Variants in GRIK5 observed in about 807,000 individuals in gnomAD.
GRIK5 encodes the protein glutamate receptor ionotropic, kainate 5.
Under a neutral mutation model 97.4 loss-of-function variants are expected in GRIK5, and 43 were observed. That is an observed-to-expected ratio of 0.44 (90% CI 0.35 to 0.57). GRIK5 has a LOEUF of 0.57. Among genes scored for constraint, GRIK5 ranks in the 20% least tolerant of loss-of-function variants. The probability of loss-of-function intolerance (pLI) is 0.01; values close to 1 mark genes in which losing one functional copy is unlikely to be tolerated. For missense variants in GRIK5, 1,015 were observed against 1,382.0 expected (o/e 0.73, Z 4.21); for synonymous variants, 580 against 583.5 (o/e 0.99, Z 0.09).
In GRIK5 at chr19:42,002,063, T is replaced by C; in HGVS notation, c.2514+1269A>G. The C allele has an allele frequency of 1.5e-6, 1 of 678,620 alleles. No homozygotes were observed. 42.0% of individuals were successfully genotyped at this position (678,620 alleles called of 1,614,324 possible). On this transcript the variant is annotated intron_variant, in intron 19 of 19. Transcript: ENST00000593562. This position sits in a 1 kb window ranked among gnomAD's most constrained non-coding sequence, Gnocchi z 5.2. ...GCTTTGAGGATTGAGAGTGACTGGCTGTGCCGAAGCCCACTGCTACCTCAT... is the reference window on the plus strand; with the variant it reads ...GCTTTGAGGATTGAGAGTGACTGGCCGTGCCGAAGCCCACTGCTACCTCAT...
intron 11 of GRIK5, among the ~76,000 whole-genome samples, chr19:42,044,039 A>AG (rs2076012942): frequency 6.6e-6 from 1 of 152,050 alleles, no homozygotes; most frequent in South Asian, 2.1e-4. Flanking sequence ...TAACTGAATC[A>AG]GGGGGGCGGT....
At position 41,999,242 on chromosome 19, in the gene GRIK5, T is replaced by C; in HGVS notation, c.2572A>G (p.Thr858Ala). Reference sequence around the variant, plus strand: ...CGTCGGCGCCGGCGGGAACGCGACGTCTTGCGGCAAGAAACGGCGTGGCGC... The same window carrying C: ...CGTCGGCGCCGGCGGGAACGCGACGCCTTGCGGCAAGAAACGGCGTGGCGC... ...ELRHAVSCRK[T>A]SRSRRRRRPG... Residue 858 changes from threonine (T) to alanine (A), a missense_variant, in exon 20 of 20, where the codon ACG becomes GCG. This residue lies in a region of GRIK5 where 229 missense variants were observed against 341.0 expected (regional missense o/e 0.67). Transcript: ENST00000593562. The surrounding 1 kb of genome is among the most constrained non-coding windows in gnomAD (Gnocchi z 5.0). 6.6e-7 allele frequency: 1 copy of C among 1,524,056 alleles called. No homozygotes were observed. The highest frequency in any genetic ancestry group is 8.8e-7 in the Non-Finnish European group (1 of 1,142,478). The allele number at this position is 1,524,056 out of a possible 1,614,324, so 94.4% of individuals were successfully genotyped here. A position where few individuals can be genotyped will look rare whatever the true frequency, so the allele number is the denominator to read the frequency against.
intron 12 of GRIK5, among the ~76,000 whole-genome samples, chr19:42,032,106 C>T (rs2075847063): frequency 6.6e-6 from 1 of 151,896 alleles, no homozygotes; most frequent in African/African-American, 2.4e-5. Flanking sequence ...AAGTGAGACG[C>T]CAATCTCAAA....
At chr19:42,016,715 C>A (rs950500594) in intron 15 of GRIK5, among the ~76,000 whole-genome samples, 1 of 152,172 alleles carries the variant, frequency 6.6e-6, no homozygotes, top group Non-Finnish European at 1.5e-5. Context: ...TGTTAGTATG[C>A]GCATAGCATG....
chr19:42,005,897 GC>G lies in GRIK5; in HGVS notation c.2088del (p.Lys696AsnfsTer30). 1 of 1,608,610 alleles carries G rather than the reference GC, an allele frequency of 6.2e-7. No homozygotes were observed. The highest frequency in any genetic ancestry group is 8.5e-7 in the Non-Finnish European group (1 of 1,176,142). ...YQRMWNYMQS[K>X]QPSVFVKSTE... ...GTGCTCTTGACGAACACGCTGGGCT[GC>G]TTCGACTGCATGTAGTTCCACATGC... On this transcript the variant is annotated frameshift_variant, in exon 17 of 20. Transcript: ENST00000593562. LOFTEE classifies it high-confidence loss of function.
chr19:42,041,823 C>T (rs2075981036), intron 12 of GRIK5, among the ~76,000 whole-genome samples: 1 of 152,218 alleles, frequency 6.6e-6, no homozygotes, highest in South Asian at 2.1e-4. Flanking sequence ...CTTTGGGAAT[C>T]AGTTTGGGTA....
Position 42,003,709 on chromosome 19 carries a change from C to G in GRIK5, c.2264-26G>C. 1 of 1,589,404 alleles carries G rather than the reference C, an allele frequency of 6.3e-7. No homozygotes were observed. The highest frequency in any genetic ancestry group is 8.6e-7 in the Non-Finnish European group (1 of 1,167,730). Reference sequence around the variant, plus strand: ...CTGGGCAGGCACACGAGGGGCTGGACCAGCCATCGGGCCCTGCAGCCCTGA... The same window carrying G: ...CTGGGCAGGCACACGAGGGGCTGGAGCAGCCATCGGGCCCTGCAGCCCTGA... On this transcript the variant is annotated intron_variant, in intron 17 of 19. Coordinates refer to ENST00000593562, the MANE Select transcript of GRIK5 (RefSeq NM_002088.5). This position sits in a 1 kb window ranked among gnomAD's most constrained non-coding sequence, Gnocchi z 4.2.
Position 42,062,600 on chromosome 19 carries a change from G to A in GRIK5, c.396C>T (p.Arg132=). ...PEETPRLQYL[R]FASVSLYPSN... is the part of the protein sequence containing the mutation. ...TGGGGTACAGGCTGACAGACGCGAAGCGAAGGTACTGAAGGCGGGGTGTCT... is the reference window on the plus strand; with the variant it reads ...TGGGGTACAGGCTGACAGACGCGAAACGAAGGTACTGAAGGCGGGGTGTCT... Residue 132 remains arginine (R), a synonymous_variant, in exon 5 of 20, where the codon CGC becomes CGT. Coordinates refer to ENST00000593562, the MANE Select transcript of GRIK5 (RefSeq NM_002088.5). The surrounding 1 kb of genome is among the most constrained non-coding windows in gnomAD (Gnocchi z 5.3). The A allele has an allele frequency of 6.2e-7, 1 of 1,614,212 alleles. No homozygotes were observed. The highest frequency in any genetic ancestry group is 1.1e-5 in the South Asian group (1 of 91,090).
At chr19:42,047,528 A>G (rs1042388265) in intron 11 of GRIK5, among the ~76,000 whole-genome samples, 7 of 152,312 alleles carry the variant, frequency 4.6e-5, no homozygotes, top group African/African-American at 1.7e-4. Context: ...GTACTAGAAC[A>G]AAGACAGACA....
chr19:42,032,691 G>A (rs1231675200), intron 12 of GRIK5, among the ~76,000 whole-genome samples: 1 of 152,018 alleles, frequency 6.6e-6, no homozygotes, highest in Non-Finnish European at 1.5e-5. Flanking sequence ...CTTGTTTCCC[G>A]GCCCCAGCAA....
At position 42,003,597 on chromosome 19, in the gene GRIK5, C is replaced by T; in HGVS notation, c.2350G>A (p.Glu784Lys). The change falls in exon 18 of 20, where the codon GAG becomes AAG. Residue 784 changes from glutamate (E) to lysine (K), a missense_variant. This residue lies in a region of GRIK5 where 229 missense variants were observed against 341.0 expected (regional missense o/e 0.67). Coordinates refer to ENST00000593562, the MANE Select transcript of GRIK5 (RefSeq NM_002088.5). The surrounding 1 kb of genome is among the most constrained non-coding windows in gnomAD (Gnocchi z 4.2). ...RLEILKRKWWEGGRCPKEEDH... is the reference protein window; with the variant it reads ...RLEILKRKWWKGGRCPKEEDH... ...TCCTCCTTGGGGCACCGGCCCCCCT[C>T]CCACCACTTGCGCTTCAGGATCTCC... 2 of 1,613,468 alleles carry T rather than the reference C, an allele frequency of 1.2e-6. No homozygotes were observed. The highest frequency in any genetic ancestry group is 1.7e-6 in the Non-Finnish European group (2 of 1,179,638).
In GRIK5 at chr19:42,062,698, AGCCCTC is replaced by A. The variant is rs1327237220; in HGVS notation, c.343-51_343-46del. 6.2e-7 allele frequency: 1 copy of A among 1,613,362 alleles called. No homozygotes were observed. The highest frequency in any genetic ancestry group is 1.7e-5 in the Admixed American group (1 of 60,004). ...TGGCCTCCATCCTGCTTCTCCGCCC[AGCCCTC>A]GCCTCCCAGGGACCCGCTCCCCACA... On this transcript the variant is annotated intron_variant, in intron 4 of 19. Transcript: ENST00000593562. The surrounding 1 kb of genome is among the most constrained non-coding windows in gnomAD (Gnocchi z 5.3).
chr19:42,016,951 A>G (rs1378191861), intron 15 of GRIK5, among the ~76,000 whole-genome samples: 2 of 150,410 alleles, frequency 1.3e-5, no homozygotes, highest in Non-Finnish European at 3.0e-5. Flanking sequence ...TTTTTTTTGC[A>G]TGATTATAAT....
rs919602716 is a variant in GRIK5, at chr19:42,002,560, G to A, written c.2514+772C>T. ...CAGAGCTGGGGTCTGGGGAGTAGAT[G>A]TAAGGTCAGCCGCTGGATGTGAGGA... On this transcript the variant is annotated intron_variant, in intron 19 of 19. Transcript: ENST00000593562. This position sits in a 1 kb window ranked among gnomAD's most constrained non-coding sequence, Gnocchi z 5.2. 4.5e-6 allele frequency: 3 copies of A among 667,274 alleles called. No individual in the cohort carries two copies. The highest frequency in any genetic ancestry group is 2.3e-5 in the Admixed American group (1 of 44,362). The allele number at this position is 667,274 out of a possible 1,614,324, so 41.3% of individuals were successfully genotyped here.
Position 42,069,234 on chromosome 19 carries a change from C to T in GRIK5, c.-51+7G>A, listed in dbSNP as rs1286821465. ...CCCAGCCCAATCCCTGCCCTGCAGA[C>T]ACTCACGGATCCTGGTGGGACGGAG... On this transcript the variant is annotated splice_region_variant and intron_variant, in intron 1 of 19. Transcript: ENST00000593562. The T allele has an allele frequency of 2.8e-5, 8 of 289,998 alleles. No individual in the cohort carries two copies. The highest frequency in any genetic ancestry group is 5.1e-5 in the Non-Finnish European group (8 of 157,542). 18.0% of individuals were successfully genotyped at this position (289,998 alleles called of 1,614,324 possible).
intron 12 of GRIK5, among the ~76,000 whole-genome samples, chr19:42,023,781 C>T (rs958114817): frequency 2.0e-5 from 3 of 152,248 alleles, no homozygotes; most frequent in Non-Finnish European, 2.9e-5. Flanking sequence ...GCCTGGGCCA[C>T]TGGTATCTCA....
chr19:42,038,228 A>G (rs1274700115), intron 12 of GRIK5, among the ~76,000 whole-genome samples: 1 of 152,250 alleles, frequency 6.6e-6, no homozygotes, highest in Non-Finnish European at 1.5e-5. Context: ...AATTCACACC[A>G]TGGCAGTGAT....
intron 8 of GRIK5, among the ~76,000 whole-genome samples, chr19:42,054,734 G>C (rs1003724378): frequency 1.3e-5 from 2 of 152,190 alleles, no homozygotes; most frequent in African/African-American, 4.8e-5. Flanking sequence ...ATCTCTCAGA[G>C]GGTGCCTGGA....
Position 42,065,108 on chromosome 19 carries a change from G to C in GRIK5, c.244+115C>G. 2 of 875,202 alleles carry C rather than the reference G, an allele frequency of 2.3e-6. No individual in the cohort carries two copies. The highest frequency in any genetic ancestry group is 1.7e-5 in the African/African-American group (1 of 60,014). 54.2% of individuals were successfully genotyped at this position (875,202 alleles called of 1,614,324 possible). ...AGAAGGCAGAGACAAACACAAAGAA[G>C]GGGGAGGATGGAGCTAGAAGAGGAC... On this transcript the variant is annotated intron_variant, in intron 3 of 19. Coordinates refer to ENST00000593562, the MANE Select transcript of GRIK5 (RefSeq NM_002088.5). This position sits in a 1 kb window ranked among gnomAD's most constrained non-coding sequence, Gnocchi z 5.8.
Sources: gnomAD v4.1 joint callset for allele counts (sites outside exome capture counted in the v4.1 genomes callset) on GRCh38, gnomAD v4.1.1 for gene constraint, gnomAD v4.1.1 regional missense constraint, Gnocchi (gnomAD v3.1) non-coding constraint, MANE v1.5 for transcripts, NCBI Gene and HGNC (gene_info 2026-07-23, HGNC 2026-07-21) for gene names.